Variants in RIMS2 observed in about 807,000 individuals in gnomAD.
RIMS2 encodes regulating synaptic membrane exocytosis 2.
Under a neutral mutation model 174.4 loss-of-function variants are expected in RIMS2, and 59 were observed. The ratio of observed to expected loss-of-function variants is 0.34; its 90% CI spans 0.27 to 0.42. The LOEUF is 0.42. Among genes scored for constraint, RIMS2 ranks in the 10% least tolerant of loss-of-function variants. The probability of loss-of-function intolerance (pLI) is 1.00; values close to 1 mark genes in which losing one functional copy is unlikely to be tolerated. For synonymous variants in RIMS2, 606 were observed against 572.5 expected (o/e 1.06, Z -0.84); for missense variants, 1,620 against 1,666.3 (o/e 0.97, Z 0.48).
intron 2 of RIMS2, among the ~76,000 whole-genome samples, chr8:103,745,878 A>G (rs1246745302): frequency 1.3e-5 from 2 of 152,060 alleles, no homozygotes; most frequent in African/African-American, 2.4e-5. Context: ...TAATTTGCAA[A>G]TATTTTTTCT....
intron 1 of RIMS2, among the ~76,000 whole-genome samples, chr8:103,580,399 A>AT (rs1364026171): frequency 6.6e-6 from 1 of 151,810 alleles, no homozygotes; most frequent in Non-Finnish European, 1.5e-5. Context: ...CTTAGATAAA[A>AT]TAGACTACAA....
chr8:103,748,026 C>T (rs2097843233), intron 2 of RIMS2, among the ~76,000 whole-genome samples: 1 of 152,146 alleles, frequency 6.6e-6, no homozygotes, highest in South Asian at 2.1e-4. Context: ...TGCTTTTTAG[C>T]AGTACAGGAG....
intron 1 of RIMS2, among the ~76,000 whole-genome samples, chr8:103,612,024 G>T (rs2095387115): frequency 6.6e-6 from 1 of 151,560 alleles, no homozygotes; most frequent in Non-Finnish European, 1.5e-5. Flanking sequence ...TGTCTTCAAG[G>T]TCAGTCATTC....
chr8:103,608,804 A>T (rs530531530), intron 1 of RIMS2, among the ~76,000 whole-genome samples: 3 of 152,298 alleles, frequency 2.0e-5, no homozygotes, highest in African/African-American at 7.2e-5. Flanking sequence ...GAACTCCCTG[A>T]TCCGTTGCAC....
chr8:103,596,123 C>T (rs1025617870), intron 1 of RIMS2, among the ~76,000 whole-genome samples: 2 of 151,868 alleles, frequency 1.3e-5, no homozygotes, highest in Admixed American at 1.3e-4. Context: ...TTATGTACTT[C>T]TTAAATAATA....
chr8:104,242,084 G>A (rs1482075017), intron 19 of RIMS2, among the ~76,000 whole-genome samples: 1 of 151,854 alleles, frequency 6.6e-6, no homozygotes, highest in African/African-American at 2.4e-5. Flanking sequence ...GTTATTTGAG[G>A]ACCACTCAAA....
intron 19 of RIMS2, among the ~76,000 whole-genome samples, chr8:104,178,542 C>T (rs563109775): frequency 6.6e-6 from 1 of 152,238 alleles, no homozygotes; most frequent in East Asian, 1.9e-4. Context: ...TAATCTAGGA[C>T]AAGCTCCCAA....
chr8:103,563,845 T>G (rs1262091091), intron 1 of RIMS2, among the ~76,000 whole-genome samples: 1 of 152,178 alleles, frequency 6.6e-6, no homozygotes, highest in Non-Finnish European at 1.5e-5. Flanking sequence ...AAGTCACATC[T>G]TACGTGGATG....
chr8:104,041,243 A>G (rs893338152), intron 19 of RIMS2, 83 bp from the exon 22 acceptor site: 1 of 543,762 alleles, frequency 1.8e-6, no homozygotes, highest in African/African-American at 1.9e-5. Context: ...CCTTTCCATC[A>G]GTGTCACTTT....
At chr8:103,561,739 T>A (rs1316842289) in intron 1 of RIMS2, among the ~76,000 whole-genome samples, 1 of 152,186 alleles carries the variant, frequency 6.6e-6, no homozygotes, top group Non-Finnish European at 1.5e-5. Flanking sequence ...TGGGCAGGTA[T>A]TTTTTCCCCT....
chr8:103,627,093 C>A (rs2095804054), intron 1 of RIMS2, among the ~76,000 whole-genome samples: 1 of 152,166 alleles, frequency 6.6e-6, no homozygotes, highest in Admixed American at 6.5e-5. Flanking sequence ...CTTATCTCAA[C>A]TGCATAAGAC....
At chr8:103,601,522 CTT>C (rs916208663) in intron 1 of RIMS2, among the ~76,000 whole-genome samples, 2 of 151,796 alleles carry the variant, frequency 1.3e-5, no homozygotes, top group Non-Finnish European at 2.9e-5. Context: ...CATGGAATAT[CTT>C]TTTTCATCCC....
rs1407167376 is a variant in RIMS2 at position 103,578,340 on chromosome 8, C to T, written c.176+77278C>T. Among the ~76,000 whole-genome samples, 4 of 151,636 alleles carry T rather than the reference C, an allele frequency of 2.6e-5. No homozygotes were observed. In the East Asian group the frequency reaches 7.9e-4, roughly 30 times the overall value. On this transcript the variant is annotated intron_variant, in intron 1 of 23. Transcript: ENST00000504942. ...AAGTCAGGAGTTCAAGATCAGACAG[C>T]CCAACATGGTGAAACCCCATCTCTG...
chr8:104,092,488 T>C (rs1482043795), intron 19 of RIMS2, among the ~76,000 whole-genome samples: 1 of 151,912 alleles, frequency 6.6e-6, no homozygotes, highest in African/African-American at 2.4e-5. Context: ...AAGAATACTG[T>C]TACATCACCA....
chr8:103,870,398 CACT>C (rs2099105356), intron 3 of RIMS2, among the ~76,000 whole-genome samples: 2 of 151,698 alleles, frequency 1.3e-5, no homozygotes, highest in Non-Finnish European at 1.5e-5. Context: ...CCACCACCAC[CACT>C]ACACCACTGC....
At chr8:103,604,635 G>C (rs2094952967) in intron 1 of RIMS2, among the ~76,000 whole-genome samples, 1 of 148,258 alleles carries the variant, frequency 6.7e-6, no homozygotes, top group Non-Finnish European at 1.5e-5. Context: ...CCATGAGCAT[G>C]GAATGTTCTT....
intron 16 of RIMS2, among the ~76,000 whole-genome samples, chr8:103,981,907 A>T (rs537251072): frequency 6.6e-6 from 1 of 152,272 alleles, no homozygotes; most frequent in Non-Finnish European, 1.5e-5. Flanking sequence ...AAAAGAGCAA[A>T]TCTAAGAGTT....
chr8:104,155,409 C>CTTTTTTT (rs10578958), intron 19 of RIMS2, among the ~76,000 whole-genome samples: 2 of 81,018 alleles, frequency 2.5e-5, no homozygotes, highest in African/African-American at 5.2e-5. Context: ...CCCGGCCTTG[C>CTTTTTTT]TTTTTTTTTT....
intron 3 of RIMS2, among the ~76,000 whole-genome samples, chr8:103,852,518 G>C (rs1346539709): frequency 3.3e-5 from 5 of 151,154 alleles, no homozygotes; most frequent in Admixed American, 6.6e-5. Flanking sequence ...TTGCAAGCAT[G>C]GTACCTAATA....
Sources: gnomAD v4.1 joint callset for allele counts (sites outside exome capture counted in the v4.1 genomes callset) on GRCh38, gnomAD v4.1.1 for gene constraint, MANE v1.5 for transcripts, NCBI Gene and HGNC (gene_info 2026-07-23, HGNC 2026-07-21) for gene names.